The following IL16 variants were observed in gnomAD, a reference collection of about 807,000 sequenced individuals.
IL16 encodes interleukin 16.
Under a neutral mutation model 110.1 loss-of-function variants are expected in IL16, and 67 were observed. The observed-to-expected ratio is 0.61, with a 90% CI of 0.50 to 0.75. The LOEUF is 0.75. Ranked by LOEUF, IL16 falls within the 30% of genes least tolerant of loss-of-function variation. The pLI, the probability that IL16 is intolerant of heterozygous loss-of-function variation, is 0.00. For missense variants in IL16, 1,545 were observed against 1,655.0 expected (o/e 0.93, Z 1.15); for synonymous variants, 689 against 662.9 (o/e 1.04, Z -0.61).
intron 16 of IL16, 173 bp from the exon 17 acceptor site, chr15:81,305,735 A>G (rs1900517624): frequency 2.9e-6 from 2 of 701,184 alleles, no homozygotes; most frequent in African/African-American, 3.6e-5. Flanking sequence ...CTGGATGGAG[A>G]AGGAGGGAAT....
intron 9 of IL16, among the ~76,000 whole-genome samples, chr15:81,285,014 C>A (rs1036445190): frequency 3.9e-5 from 6 of 152,086 alleles, no homozygotes; most frequent in Admixed American, 3.9e-4. Flanking sequence ...ATTTCCCTAT[C>A]TAGGTCGGGA....
At chr15:81,281,281 A>G (rs1899163764) in intron 8 of IL16, among the ~76,000 whole-genome samples, 1 of 152,208 alleles carries the variant, frequency 6.6e-6, no homozygotes, top group Non-Finnish European at 1.5e-5. Context: ...ATACGTGTCG[A>G]AAGAAAACTG....
chr15:81,274,997 A>T (rs1197597199), intron 6 of IL16, among the ~76,000 whole-genome samples: 3 of 152,212 alleles, frequency 2.0e-5, no homozygotes, highest in African/African-American at 7.2e-5. Flanking sequence ...CAGAGGCGGT[A>T]ACCCTGGGAG....
At chr15:81,234,066 G>T (rs1368034364) in intron 2 of IL16, among the ~76,000 whole-genome samples, 1 of 151,968 alleles carries the variant, frequency 6.6e-6, no homozygotes, top group Admixed American at 6.6e-5. Context: ...CTGAAAAATT[G>T]TCTGATACTA....
At chr15:81,284,964 A>C (rs1899375034) in intron 9 of IL16, among the ~76,000 whole-genome samples, 1 of 152,226 alleles carries the variant, frequency 6.6e-6, no homozygotes, top group African/African-American at 2.4e-5. Flanking sequence ...ATTCCTGAGC[A>C]GACCTAGATC....
In IL16 at chr15:81,225,423, A is replaced by G. The variant is rs1896754210; in HGVS notation, c.24A>G (p.Gly8=). Residue 8 remains glycine, a synonymous_variant, in exon 2 of 19, where the codon GGA becomes GGG. Transcript: ENST00000683961. MESHSRA[G]KSRKSAKFRS... is the part of the protein sequence containing the mutation. ...GGATGGAGTCGCACAGCCGCGCTGGAAAGAGCAGAAAATCTGCAAAATTTC... is the reference window on the plus strand; with the variant it reads ...GGATGGAGTCGCACAGCCGCGCTGGGAAGAGCAGAAAATCTGCAAAATTTC... 1 of 1,614,136 alleles carries G rather than the reference A, an allele frequency of 6.2e-7. No individual in the cohort carries two copies. Among genetic ancestry groups the G allele is most frequent in the Non-Finnish European group, 8.5e-7 (1 of 1,180,018 alleles).
intron 10 of IL16, among the ~76,000 whole-genome samples, chr15:81,288,898 G>C (rs1055158262): frequency 3.9e-5 from 6 of 151,928 alleles, no homozygotes. Context: ...GGGTACTTGG[G>C]TTGTTTCCAC....
intron 1 of IL16, among the ~76,000 whole-genome samples, chr15:81,204,038 A>G (rs1023525345): frequency 1.3e-5 from 2 of 151,060 alleles, no homozygotes; most frequent in African/African-American, 4.9e-5. Context: ...GGTCCTTCAC[A>G]TCCCTTGTAA....
At chr15:81,285,923 G>C (rs917197763) in intron 10 of IL16, 93 bp downstream of exon 10, 17 of 1,392,878 alleles carry the variant, frequency 1.2e-5, no homozygotes, top group African/African-American at 4.3e-5. Flanking sequence ...GATGTTGCTG[G>C]CTGGGTTTGT....
intron 2 of IL16, among the ~76,000 whole-genome samples, chr15:81,231,457 T>C (rs865782668): frequency 6.7e-6 from 1 of 148,786 alleles, no homozygotes. Context: ...CACCACAACC[T>C]CAACCTCCCA....
rs778962081 is a variant in IL16 at position 81,299,939 on chromosome 15, A to T, written c.2613A>T (p.Ala871=). ...RLSLQPSSGE[A]AKPLGKHEEG... is the part of the protein sequence containing the mutation. ...GCCTCCAGCCCTCCTCTGGGGAGGC[A>T]GCAAAACCTCTTGGGAAGCATGAGG... Residue 871 remains alanine, a synonymous_variant, in exon 14 of 19, where the codon GCA becomes GCT. Transcript: ENST00000683961. The T allele has an allele frequency of 3.1e-6, 5 of 1,612,690 alleles. No homozygotes were observed. In the South Asian group the frequency reaches 5.5e-5, roughly 18 times the overall value.
chr15:81,294,394 C>T (rs1003062147), intron 12 of IL16, among the ~76,000 whole-genome samples: 10 of 152,242 alleles, frequency 6.6e-5, no homozygotes, highest in African/African-American at 2.4e-4. Context: ...GTCATTTTGC[C>T]TTCCTCCTGG....
intron 2 of IL16, among the ~76,000 whole-genome samples, chr15:81,239,064 T>C (rs1157930157): frequency 6.6e-6 from 1 of 152,106 alleles, no homozygotes; most frequent in Non-Finnish European, 1.5e-5. Flanking sequence ...ATTTTCTTCA[T>C]CTTTAGTTTT....
At chr15:81,220,280 A>G (rs1168641538) in intron 1 of IL16, among the ~76,000 whole-genome samples, 1 of 152,154 alleles carries the variant, frequency 6.6e-6, no homozygotes, top group Non-Finnish European at 1.5e-5. Flanking sequence ...GACCACAGGC[A>G]CATGCCATCA....
rs559029934 is a variant in IL16, at chr15:81,305,838, A to G, written c.3421-70A>G. Reference sequence around the variant, plus strand: ...CCTCTAGCATTGACTAACCGGTTCAATCCTCCTCCAGCAAGTATGTGGACT... The same window carrying G: ...CCTCTAGCATTGACTAACCGGTTCAGTCCTCCTCCAGCAAGTATGTGGACT... On this transcript the variant is annotated intron_variant, in intron 16 of 18. Transcript: ENST00000683961. 1.1e-4 allele frequency: 178 copies of G among 1,566,084 alleles called. No individual in the cohort carries two copies. In the African/African-American group the frequency reaches 2.1e-3, roughly 19 times the overall value.
At chr15:81,258,701 C>T (rs1400865017) in intron 2 of IL16, among the ~76,000 whole-genome samples, 1 of 152,044 alleles carries the variant, frequency 6.6e-6, no homozygotes, top group African/African-American at 2.4e-5. Context: ...CCTGTCCTGA[C>T]CTGCTCTCTC....
upstream of IL16, among the ~76,000 whole-genome samples, chr15:81,195,472 T>G (rs1895573468): frequency 6.6e-6 from 1 of 152,128 alleles, no homozygotes; most frequent in Non-Finnish European, 1.5e-5. Context: ...AGAAATTCCT[T>G]CACTGCACTC....
At chr15:81,190,154 T>C (rs902702007) in intron 1 of IL16, among the ~76,000 whole-genome samples, 53 of 152,300 alleles carry the variant, frequency 3.5e-4, no homozygotes, top group African/African-American at 1.1e-3. Context: ...ACTGAACACA[T>C]GGTTCCTGCC....
At chr15:81,307,884 A>G (rs1340191724) in intron 18 of IL16, among the ~76,000 whole-genome samples, 1 of 152,250 alleles carries the variant, frequency 6.6e-6, no homozygotes, top group African/African-American at 2.4e-5. Flanking sequence ...GATTACTGTC[A>G]TAAATGCAAA....
Sources: gnomAD v4.1 joint callset for allele counts (sites outside exome capture counted in the v4.1 genomes callset) on GRCh38, gnomAD v4.1.1 for gene constraint, MANE v1.5 for transcripts, NCBI Gene and HGNC (gene_info 2026-07-23, HGNC 2026-07-21) for gene names.